Variants in VRK2 observed in about 807,000 individuals in gnomAD.
The protein encoded by VRK2 is serine/threonine-protein kinase VRK2.
Under a neutral mutation model 57.6 loss-of-function variants are expected in VRK2, and 60 were observed. The ratio of observed to expected loss-of-function variants is 1.04; its 90% CI spans 0.85 to 1.29. The LOEUF (loss-of-function observed/expected upper bound fraction) is 1.29. Among genes scored for constraint, VRK2 ranks in the 50% most tolerant of loss-of-function variants. The pLI, the probability that VRK2 is intolerant of heterozygous loss-of-function variation, is 0.00. For missense variants in VRK2, 705 were observed against 588.1 expected (o/e 1.20, Z -2.06); for synonymous variants, 231 against 199.2 (o/e 1.16, Z -1.35).
At chr2:58,147,134 C>A (rs1221128069) in intron 12 of VRK2, 2 of 517,840 alleles carry the variant, frequency 3.9e-6, no homozygotes, top group East Asian at 5.5e-5. Flanking sequence ...ACCTTGTATA[C>A]CCTACCTAAT....
Position 58,095,293 on chromosome 2 carries a change from C to CAAAAAAAAAA in VRK2, c.543+5580_543+5589dup, listed in dbSNP as rs1231159019. On this transcript the variant is annotated intron_variant, in intron 7 of 12. Coordinates refer to ENST00000340157, the MANE Select transcript of VRK2 (RefSeq NM_006296.7). ...TGGGTGACAGAGCGAGACTCCGTCTCAAAAAAAAAAAAAAAAAAATACTTG... is the reference window on the plus strand; with the variant it reads ...TGGGTGACAGAGCGAGACTCCGTCTCAAAAAAAAAAAAAAAAAAAAAAAAAAAAATACTTG... 6.9e-4 allele frequency among the ~76,000 whole-genome samples: 46 copies of CAAAAAAAAAA among 66,646 alleles called. 1 individual carries two copies. The highest frequency in any genetic ancestry group is 2.4e-3 in the African/African-American group (45 of 18,482). The allele number at this position is 66,646 out of a possible 152,430, so 43.7% of individuals were successfully genotyped here. A position where few individuals can be genotyped will look rare whatever the true frequency, so the allele number is the denominator to read the frequency against.
chr2:58,118,588 C>G (rs756212289), intron 7 of VRK2, among the ~76,000 whole-genome samples: 1 of 152,178 alleles, frequency 6.6e-6, no homozygotes, highest in Non-Finnish European at 1.5e-5. Context: ...TTGGGCTGGT[C>G]AGTCTGAGGA....
At chr2:58,130,493 T>C (rs1387661943) in intron 8 of VRK2, among the ~76,000 whole-genome samples, 1 of 152,202 alleles carries the variant, frequency 6.6e-6, no homozygotes, top group Admixed American at 6.5e-5. Flanking sequence ...TTCTGCTAGA[T>C]TGAAGGGCCT....
chr2:58,109,688 T>A (rs1331907976), intron 7 of VRK2, among the ~76,000 whole-genome samples: 2 of 152,208 alleles, frequency 1.3e-5, no homozygotes, highest in Non-Finnish European at 2.9e-5. Context: ...CCCCATGATC[T>A]AATCACTTCC....
At chr2:58,076,963 T>C (rs550203913) in intron 2 of VRK2, among the ~76,000 whole-genome samples, 203 of 152,190 alleles carry the variant, frequency 1.3e-3, no homozygotes, top group Non-Finnish European at 2.3e-3. Context: ...GTACATTACA[T>C]AGTTATCAAC....
chr2:57,957,145 A>C (rs1671611433), intron 1 of VRK2, among the ~76,000 whole-genome samples: 2 of 152,162 alleles, frequency 1.3e-5, no homozygotes, highest in African/African-American at 4.8e-5. Context: ...TTTTGATGAT[A>C]GTCTTTTATA....
At chr2:57,980,899 C>G (rs1349671903) in intron 1 of VRK2, among the ~76,000 whole-genome samples, 1 of 152,040 alleles carries the variant, frequency 6.6e-6, no homozygotes, top group Non-Finnish European at 1.5e-5. Flanking sequence ...CTTTCTCCAT[C>G]TCTTCACTTT....
intron 12 of VRK2, among the ~76,000 whole-genome samples, chr2:58,153,471 C>T (rs1232160708): frequency 6.6e-6 from 1 of 151,988 alleles, no homozygotes; most frequent in Non-Finnish European, 1.5e-5. Context: ...TTAATATGAT[C>T]ATGTGATTTT....
intron 1 of VRK2, among the ~76,000 whole-genome samples, chr2:57,973,417 A>T (rs1309109032): frequency 6.6e-6 from 1 of 151,924 alleles, no homozygotes; most frequent in East Asian, 1.9e-4. Flanking sequence ...AGTGTATCAA[A>T]TTTAAATATG....
chr2:58,137,182 C>CATATATATATCATATATCATATATATCAT lies in VRK2; in HGVS notation c.856+1989_856+1990insATATCATATATCATATATATCATATATAT. ...TATATATATCATATATCATATATAT[C>CATATATATATCATATATCATATATATCAT]ATATATGATACATATATATCTCATA... On this transcript the variant is annotated intron_variant, in intron 10 of 12. Coordinates refer to ENST00000340157, the MANE Select transcript of VRK2 (RefSeq NM_006296.7). 6.6e-4 allele frequency among the ~76,000 whole-genome samples: 23 copies of CATATATATATCATATATCATATATATCAT among 35,088 alleles called. 1 individual carries two copies. Among genetic ancestry groups the CATATATATATCATATATCATATATATCAT allele is most frequent in the Non-Finnish European group, 1.2e-3 (22 of 19,086 alleles). 23.0% of individuals were successfully genotyped at this position (35,088 alleles called of 152,430 possible).
At chr2:58,089,557 T>C (rs1672083596) in intron 6 of VRK2, 74 bp from the exon 7 acceptor site, 1 of 888,038 alleles carries the variant, frequency 1.1e-6, no homozygotes, top group African/African-American at 1.7e-5. Context: ...CATGTTATTC[T>C]ATATTCAAAA....
At chr2:58,113,111 C>T (rs1675818011) in intron 7 of VRK2, among the ~76,000 whole-genome samples, 1 of 152,080 alleles carries the variant, frequency 6.6e-6, no homozygotes, top group Admixed American at 6.6e-5. Flanking sequence ...GAGTTCCAGA[C>T]TAGCCTGGCC....
At chr2:57,911,282 G>C (rs961642208) in intron 1 of VRK2, among the ~76,000 whole-genome samples, 2 of 152,124 alleles carry the variant, frequency 1.3e-5, no homozygotes, top group Non-Finnish European at 2.9e-5. Flanking sequence ...TGTCCCTAGA[G>C]ACTTGTTCTG....
At position 58,094,181 on chromosome 2, in the gene VRK2, GT is replaced by G. The variant is rs374800870; in HGVS notation, c.543+4464del. On this transcript the variant is annotated intron_variant, in intron 7 of 12. Coordinates refer to ENST00000340157, the MANE Select transcript of VRK2 (RefSeq NM_006296.7). ...TTGGTTCCATATGAACTTTAGAGTAGTTTTTTCCAATTCTGTGAAGAAAGTC... is the reference window on the plus strand; with the variant it reads ...TTGGTTCCATATGAACTTTAGAGTAGTTTTTCCAATTCTGTGAAGAAAGTC... Among the ~76,000 whole-genome samples, 89 of 152,270 alleles carry G rather than the reference GT, an allele frequency of 5.8e-4. No homozygotes were observed. In the East Asian group the frequency reaches 0.014, roughly 25 times the overall value.
intron 9 of VRK2, among the ~76,000 whole-genome samples, chr2:58,132,383 TTTTC>T (rs1017582984): frequency 1.7e-4 from 26 of 152,334 alleles, no homozygotes; most frequent in African/African-American, 5.8e-4. Context: ...AGGAAGTATG[TTTTC>T]TTTCTTAAGA....
chr2:57,924,013 G>A (rs1194308686), intron 1 of VRK2, among the ~76,000 whole-genome samples: 1 of 151,816 alleles, frequency 6.6e-6, no homozygotes, highest in Non-Finnish European at 1.5e-5. Flanking sequence ...TGGCACCTTT[G>A]TCAAAAATGA....
At chr2:58,078,327 A>G (rs527240886) in intron 2 of VRK2, among the ~76,000 whole-genome samples, 1 of 152,172 alleles carries the variant, frequency 6.6e-6, no homozygotes, top group South Asian at 2.1e-4. Context: ...AGCATGTGAC[A>G]TGATTTCCTT....
At chr2:58,072,121 G>T (rs1558596153) in intron 2 of VRK2, among the ~76,000 whole-genome samples, 1 of 151,892 alleles carries the variant, frequency 6.6e-6, no homozygotes, top group South Asian at 2.1e-4. Context: ...TATTAAATTT[G>T]TATTCTGCAA....
chr2:58,076,080 A>G (rs1002616725), intron 2 of VRK2, among the ~76,000 whole-genome samples: 3 of 148,416 alleles, frequency 2.0e-5, no homozygotes, highest in Admixed American at 6.7e-5. Context: ...TTTACTTTTT[A>G]AGAGCCTTCT....
Sources: gnomAD v4.1 joint callset for allele counts (sites outside exome capture counted in the v4.1 genomes callset) on GRCh38, gnomAD v4.1.1 for gene constraint, MANE v1.5 for transcripts, NCBI Gene and HGNC (gene_info 2026-07-23, HGNC 2026-07-21) for gene names.